Variants in SASH1 observed in about 807,000 individuals in gnomAD.
SASH1 encodes the protein SAM and SH3 domain containing 1.
Under a neutral mutation model 125.2 loss-of-function variants are expected in SASH1, and 44 were observed. The ratio of observed to expected loss-of-function variants is 0.35; its 90% CI spans 0.28 to 0.45. The LOEUF (loss-of-function observed/expected upper bound fraction) is 0.45, where lower values mean the gene tolerates loss of function less well. Among genes scored for constraint, SASH1 ranks in the 20% least tolerant of loss-of-function variants. The pLI is 1.00. For synonymous variants in SASH1, 639 were observed against 649.1 expected (o/e 0.98, Z 0.24); for missense variants, 1,426 against 1,614.5 (o/e 0.88, Z 2.00).
At chr6:148,425,778 C>T (rs1448591689) in intron 2 of SASH1, among the ~76,000 whole-genome samples, 1 of 143,758 alleles carries the variant, frequency 7.0e-6, no homozygotes, top group East Asian at 2.1e-4. Context: ...GTCCCCCAGG[C>T]TGGAATGCAA....
At chr6:148,387,607 T>C (rs574287304) in intron 1 of SASH1, among the ~76,000 whole-genome samples, 2,324 of 24,048 alleles carry the variant, frequency 0.097, 156 homozygotes, top group Middle Eastern at 0.18. Flanking sequence ...TTTCTTTCTT[T>C]CTTTCTTTCT....
At chr6:148,313,125 T>C (rs1424847092) in intron 1 of SASH1, among the ~76,000 whole-genome samples, 1 of 152,178 alleles carries the variant, frequency 6.6e-6, no homozygotes, top group Non-Finnish European at 1.5e-5. Flanking sequence ...GCACAGATAT[T>C]GTAGAAGTGG....
chr6:148,357,109 G>A (rs755490765), intron 1 of SASH1, among the ~76,000 whole-genome samples: 8 of 152,106 alleles, frequency 5.3e-5, no homozygotes, highest in Non-Finnish European at 7.4e-5. Context: ...TATAGTTTGC[G>A]AAAATTTTCT....
chr6:148,473,996 C>T, intron 6 of SASH1, 114 bp from the exon 7 acceptor site: 2 of 698,058 alleles, frequency 2.9e-6, no homozygotes, highest in Non-Finnish European at 5.0e-6. Context: ...GTTCAACATA[C>T]ATAGTGTCCT....
chr6:148,216,776 G>C, the SASH1 span, among the ~76,000 whole-genome samples: 5 of 151,858 alleles, frequency 3.3e-5, no homozygotes, highest in Non-Finnish European at 7.4e-5. Context: ...TGTCTCCCAG[G>C]CTGGAGTGCA....
At chr6:148,441,005 A>G (rs1776522144) in intron 4 of SASH1, among the ~76,000 whole-genome samples, 1 of 152,204 alleles carries the variant, frequency 6.6e-6, no homozygotes, top group South Asian at 2.1e-4. Flanking sequence ...TATTTCTTTT[A>G]GGCAACATAA....
At chr6:148,206,793 G>GCACACACACACA in the SASH1 span, among the ~76,000 whole-genome samples, 3,094 of 134,478 alleles carry the variant, frequency 0.023, 54 homozygotes, top group South Asian at 0.038. Flanking sequence ...CCATCTCAAA[G>GCACACACACACA]CACACACACA....
intron 17 of SASH1, among the ~76,000 whole-genome samples, chr6:148,541,215 C>G (rs755512570): frequency 1.5e-4 from 22 of 151,354 alleles, no homozygotes; most frequent in Admixed American, 2.6e-4. Context: ...AAATCTCTGT[C>G]AAACTCTTGA....
chr6:148,242,159 A>C, the SASH1 span, among the ~76,000 whole-genome samples: 1 of 152,234 alleles, frequency 6.6e-6, no homozygotes, highest in Admixed American at 6.5e-5. Flanking sequence ...ATTTACATGC[A>C]ACTAACAAGC....
At chr6:148,320,124 T>C (rs989673945) in intron 1 of SASH1, among the ~76,000 whole-genome samples, 1 of 152,264 alleles carries the variant, frequency 6.6e-6, no homozygotes, top group Non-Finnish European at 1.5e-5. Context: ...TTAAACTTTA[T>C]CATAAGTATG....
chr6:148,211,102 G>A, the SASH1 span, among the ~76,000 whole-genome samples: 1 of 152,154 alleles, frequency 6.6e-6, no homozygotes, highest in Non-Finnish European at 1.5e-5. Context: ...AGATTTAGGA[G>A]CAACTAAAGA....
chr6:148,510,675 C>G (rs923059348), intron 8 of SASH1, among the ~76,000 whole-genome samples: 9 of 151,864 alleles, frequency 5.9e-5, no homozygotes, highest in Admixed American at 5.9e-4. Context: ...CTCAAGCCCC[C>G]ATCCCTGGTG....
Position 148,474,206 on chromosome 6 carries a change from A to T in SASH1, c.611A>T (p.Glu204Val). Residue 204 changes from glutamate to valine, a missense_variant, in exon 7 of 20, where the codon GAG becomes GTG. Glu to Val is a moderately radical substitution (Grantham distance 121). Transcript: ENST00000367467. ...GTCAAAGAAAAGATGATCACAATTGAGGAAGCACTTGCTAGGGTAAGCATG... is the reference window on the plus strand; with the variant it reads ...GTCAAAGAAAAGATGATCACAATTGTGGAAGCACTTGCTAGGGTAAGCATG... Reference protein sequence around the residue: ...MMVKEKMITIEEALARLKEYE... With the variant: ...MMVKEKMITIVEALARLKEYE... 1 of 1,600,384 alleles carries T rather than the reference A, an allele frequency of 6.2e-7. No individual in the cohort carries two copies. The highest frequency in any genetic ancestry group is 8.5e-7 in the Non-Finnish European group (1 of 1,171,302).
intron 2 of SASH1, among the ~76,000 whole-genome samples, chr6:148,406,574 C>G (rs1220525303): frequency 6.6e-6 from 1 of 152,166 alleles, no homozygotes; most frequent in East Asian, 1.9e-4. Context: ...GAATGCTGGG[C>G]TTGGGGATCC....
At chr6:148,323,922 C>T (rs1186518707) in intron 1 of SASH1, among the ~76,000 whole-genome samples, 2 of 151,676 alleles carry the variant, frequency 1.3e-5, no homozygotes, top group African/African-American at 4.8e-5. Flanking sequence ...GTCAGGAGAT[C>T]GAGACTATGC....
chr6:148,513,884 C>T (rs1368868545), intron 8 of SASH1: 2 of 986,154 alleles, frequency 2.0e-6, no homozygotes, highest in Non-Finnish European at 2.4e-6. Context: ...AAAAAGCCAA[C>T]AGAATTTTGG....
At chr6:148,505,426 G>C (rs1056353790) in intron 8 of SASH1, among the ~76,000 whole-genome samples, 1 of 152,164 alleles carries the variant, frequency 6.6e-6, no homozygotes, top group African/African-American at 2.4e-5. Context: ...CGATTCTTGT[G>C]TCTCAGCCTC....
At chr6:148,476,448 G>A (rs1327878454) in intron 7 of SASH1, among the ~76,000 whole-genome samples, 5 of 152,214 alleles carry the variant, frequency 3.3e-5, no homozygotes, top group Admixed American at 6.5e-5. Flanking sequence ...TTGGGAGGCC[G>A]AGGCGGACAG....
chr6:148,534,086 G>A, intron 15 of SASH1, 106 bp downstream of exon 15: 1 of 916,080 alleles, frequency 1.1e-6, no homozygotes, highest in Non-Finnish European at 1.7e-6. Flanking sequence ...GCTGATCTGT[G>A]TGGTCCAATA....
Sources: allele counts gnomAD v4.1 joint callset (sites outside exome capture counted in the v4.1 genomes callset), GRCh38; gene constraint gnomAD v4.1.1; transcripts MANE v1.5; gene names NCBI Gene and HGNC (gene_info 2026-07-23, HGNC 2026-07-21).